The following BEND7 variants were observed in gnomAD, a reference collection of about 807,000 sequenced individuals.
BEND7 encodes BEN domain containing 7.
BEND7 carries 28 observed loss-of-function variants against 50.9 expected under a neutral mutation model. The ratio of observed to expected loss-of-function variants is 0.55; its 90% CI spans 0.41 to 0.75. The LOEUF is 0.75. BEND7 is among the 30% of genes least tolerant of loss of function. The pLI, the probability that BEND7 is intolerant of heterozygous loss-of-function variation, is 0.00. For synonymous variants in BEND7, 170 were observed against 183.9 expected (o/e 0.92, Z 0.61); for missense variants, 477 against 491.3 (o/e 0.97, Z 0.28).
chr10:13,512,350 C>T (rs541695766), intron 2 of BEND7, among the ~76,000 whole-genome samples: 6 of 152,194 alleles, frequency 3.9e-5, no homozygotes, highest in South Asian at 2.1e-4. Flanking sequence ...TTCAGAAAAG[C>T]GAAATAAAAG....
intron 2 of BEND7, among the ~76,000 whole-genome samples, chr10:13,504,869 T>A (rs571816418): frequency 5.3e-5 from 8 of 152,288 alleles, no homozygotes; most frequent in African/African-American, 1.7e-4. Flanking sequence ...CCTCACTAAA[T>A]TTCAAGACTC....
intron 4 of BEND7, among the ~76,000 whole-genome samples, chr10:13,496,336 C>A (rs545250310): frequency 8.5e-4 from 129 of 152,188 alleles, no homozygotes; most frequent in Non-Finnish European, 1.3e-3. Context: ...CAGAACACGG[C>A]GGATTTCTGA....
At chr10:13,475,631 T>C (rs879569965) in intron 6 of BEND7, among the ~76,000 whole-genome samples, 2 of 152,244 alleles carry the variant, frequency 1.3e-5, no homozygotes, top group Non-Finnish European at 2.9e-5. Context: ...GAAAATCACT[T>C]TGAATATGCT....
intron 6 of BEND7, among the ~76,000 whole-genome samples, chr10:13,465,004 G>C (rs565571429): frequency 1.3e-5 from 2 of 152,194 alleles, no homozygotes; most frequent in African/African-American, 4.8e-5. Flanking sequence ...ACCTGAGTTC[G>C]TTAACCAGTG....
chr10:13,517,841 G>C (rs2078803627), intron 2 of BEND7, among the ~76,000 whole-genome samples: 2 of 151,068 alleles, frequency 1.3e-5, no homozygotes, highest in Admixed American at 1.3e-4. Context: ...ATGGCTGCAG[G>C]TTCAGGTTTC....
intron 6 of BEND7, among the ~76,000 whole-genome samples, chr10:13,471,100 C>T (rs1396054233): frequency 6.6e-6 from 1 of 152,216 alleles, no homozygotes; most frequent in Admixed American, 6.5e-5. Flanking sequence ...ATCCTCTGTG[C>T]TTCCTCCTCC....
chr10:13,467,879 G>C (rs2074409720), intron 6 of BEND7, among the ~76,000 whole-genome samples: 1 of 152,072 alleles, frequency 6.6e-6, no homozygotes. Flanking sequence ...CTTCCTTCCT[G>C]TATTTATGGA....
At chr10:13,457,073 G>A (rs1422670950) in intron 6 of BEND7, among the ~76,000 whole-genome samples, 1 of 152,178 alleles carries the variant, frequency 6.6e-6, no homozygotes, top group East Asian at 1.9e-4. Context: ...TGTTATAGCA[G>A]GTACACATCT....
intron 6 of BEND7, among the ~76,000 whole-genome samples, chr10:13,457,691 A>C (rs1839289837): frequency 6.6e-6 from 1 of 152,230 alleles, no homozygotes; most frequent in South Asian, 2.1e-4. Context: ...ATTGATCTGC[A>C]AACAGTCAAT....
chr10:13,476,502 A>C (rs983700460), intron 6 of BEND7, among the ~76,000 whole-genome samples: 2 of 152,208 alleles, frequency 1.3e-5, no homozygotes, highest in African/African-American at 4.8e-5. Context: ...GATAGTAATA[A>C]AACTTTCTCA....
At chr10:13,455,418 C>T (rs1838732717) in intron 6 of BEND7, among the ~76,000 whole-genome samples, 2 of 151,964 alleles carry the variant, frequency 1.3e-5, no homozygotes, top group African/African-American at 4.8e-5. Context: ...GACCAGCACG[C>T]TGCATTGCAG....
chr10:13,485,229 T>C (rs1228090498), intron 5 of BEND7, among the ~76,000 whole-genome samples: 1 of 152,200 alleles, frequency 6.6e-6, no homozygotes, highest in Non-Finnish European at 1.5e-5. Context: ...ATTTCTATCA[T>C]AGGCTATTTT....
At chr10:13,471,994 C>A (rs888884904) in intron 6 of BEND7, among the ~76,000 whole-genome samples, 1 of 150,538 alleles carries the variant, frequency 6.6e-6, no homozygotes, top group Admixed American at 6.6e-5. Flanking sequence ...CTGTTAGACT[C>A]GGGGTCGATA....
chr10:13,454,099 C>T lies in BEND7; in HGVS notation c.1064-1441G>A, dbSNP rs530527410. Among the ~76,000 whole-genome samples the T allele has an allele frequency of 3.5e-4, 54 of 152,274 alleles. 1 individual carries two copies. Among genetic ancestry groups the T allele is most frequent in the Middle Eastern group, 6.8e-3 (2 of 292 alleles). On this transcript the variant is annotated intron_variant, in intron 6 of 8. Transcript: ENST00000466271. ...CTACTGCGAAAGCCGGAGCTAGTGA[C>T]GCGTCTAGGGCCTCTCAGAGAACTG...
intron 2 of BEND7, among the ~76,000 whole-genome samples, chr10:13,524,644 CAAAAAAA>C (rs58967065): frequency 5.6e-5 from 5 of 88,514 alleles, no homozygotes; most frequent in Non-Finnish European, 4.7e-5. Context: ...ACCTCCGTCT[CAAAAAAA>C]AAAAAAAAAA....
chr10:13,465,905 T>C (rs941720716), intron 6 of BEND7, among the ~76,000 whole-genome samples: 1 of 150,686 alleles, frequency 6.6e-6, no homozygotes, highest in East Asian at 1.9e-4. Context: ...GTGTGTGTGG[T>C]GGCAGGGGTG....
chr10:13,488,099 A>AG (rs1432450945), intron 5 of BEND7, among the ~76,000 whole-genome samples: 1 of 151,574 alleles, frequency 6.6e-6, no homozygotes, highest in East Asian at 1.9e-4. Context: ...AAAAAAAAAA[A>AG]AAAAAAAGCA....
intron 5 of BEND7, among the ~76,000 whole-genome samples, chr10:13,490,377 C>G (rs1458253202): frequency 2.6e-5 from 4 of 152,232 alleles, no homozygotes. Context: ...CTGCACTGCT[C>G]TTGCTCTCCG....
At chr10:13,519,513 C>T (rs903280626) in intron 2 of BEND7, among the ~76,000 whole-genome samples, 1 of 152,104 alleles carries the variant, frequency 6.6e-6, no homozygotes, top group Non-Finnish European at 1.5e-5. Context: ...AAGATAACTC[C>T]TAAATCTGGG....
Sources: allele counts gnomAD v4.1 joint callset (sites outside exome capture counted in the v4.1 genomes callset), GRCh38; gene constraint gnomAD v4.1.1; transcripts MANE v1.5; gene names NCBI Gene and HGNC (gene_info 2026-07-23, HGNC 2026-07-21).